Variants in SPTAN1 observed in about 807,000 individuals in gnomAD.
SPTAN1 encodes the protein spectrin alpha, non-erythrocytic 1.
Under a neutral mutation model 331.3 loss-of-function variants are expected in SPTAN1, and 61 were observed. The ratio of observed to expected loss-of-function variants is 0.18; its 90% CI spans 0.15 to 0.23. The LOEUF (loss-of-function observed/expected upper bound fraction) is 0.23. Among genes scored for constraint, SPTAN1 ranks in the 10% least tolerant of loss-of-function variants. The pLI, the probability that SPTAN1 is intolerant of heterozygous loss-of-function variation, is 1.00. For synonymous variants in SPTAN1, 1,153 were observed against 1,173.9 expected (o/e 0.98, Z 0.36); for missense variants, 2,043 against 3,147.9 (o/e 0.65, Z 8.40).
At chr9:128,593,109 G>T in intron 23 of SPTAN1, 67 bp downstream of exon 23, 1 of 1,515,584 alleles carries the variant, frequency 6.6e-7, no homozygotes, top group Non-Finnish European at 9.0e-7. Context: ...TCCCTCTGCC[G>T]CTTCTCTTGA....
rs1292604106 is a variant in SPTAN1 at position 128,633,197 on chromosome 9, C to T, written c.7309-12C>T. Reference sequence around the variant, plus strand: ...CTGGCTCAGGCACCAGGTGCCATCTCTTACCCCACAGAACCTGACCCGGGA... The same window carrying T: ...CTGGCTCAGGCACCAGGTGCCATCTTTTACCCCACAGAACCTGACCCGGGA... On this transcript the variant is annotated splice_polypyrimidine_tract_variant and intron_variant, in intron 56 of 56. Coordinates refer to ENST00000372739, the MANE Select transcript of SPTAN1 (RefSeq NM_001130438.3). The T allele has an allele frequency of 2.5e-6, 4 of 1,613,872 alleles. No homozygotes were observed.
rs765146912 is a variant in SPTAN1, at chr9:128,632,995, A to C, written c.7308+40A>C. 7 of 1,606,670 alleles carry C rather than the reference A, an allele frequency of 4.4e-6. No individual in the cohort carries two copies. The South Asian group carries it at 5.5e-5, about 13-fold the overall frequency. ...AGGTGGGTGAAGAGGTGTCCTTTGG[A>C]AAACTAAAGCCAAATTTGTGGCAGA... On this transcript the variant is annotated intron_variant, in intron 56 of 56. Transcript: ENST00000372739.
rs993507509 is a variant in SPTAN1 at position 128,610,297 on chromosome 9, A to G, written c.4773+632A>G. On this transcript the variant is annotated intron_variant, in intron 37 of 56. Coordinates refer to ENST00000372739, the MANE Select transcript of SPTAN1 (RefSeq NM_001130438.3). ...ACTTAAGCGGGTGGAAGAAATGAAG[A>G]TAGAGAAGAGAGTAAATGGGATTTG... 2.6e-5 allele frequency among the ~76,000 whole-genome samples: 4 copies of G among 152,240 alleles called. 1 individual carries two copies. The highest frequency in any genetic ancestry group is 1.3e-4 in the Admixed American group (2 of 15,282).
chr9:128,568,211 G>GAATGA (rs1226236100), intron 2 of SPTAN1, among the ~76,000 whole-genome samples: 1 of 152,186 alleles, frequency 6.6e-6, no homozygotes, highest in Non-Finnish European at 1.5e-5. Context: ...CCTAAGAAGA[G>GAATGA]AATGAAGAAC....
At chr9:128,570,324 ATATATATTTTT>A (rs1255026654) in intron 3 of SPTAN1, among the ~76,000 whole-genome samples, 239 of 32,132 alleles carry the variant, frequency 7.4e-3, no homozygotes, top group Middle Eastern at 0.017. Context: ...ATATATATAT[ATATATATTTTT>A]TTTTTTTTTT....
intron 40 of SPTAN1, among the ~76,000 whole-genome samples, chr9:128,614,108 C>T (rs912393305): frequency 4.0e-5 from 6 of 151,804 alleles, no homozygotes; most frequent in African/African-American, 7.3e-5. Flanking sequence ...TATTTTGATT[C>T]GGGTAAGTGT....
chr9:128,612,362 C>G lies in SPTAN1; in HGVS notation c.5043+116C>G. 6 of 1,313,304 alleles carry G rather than the reference C, an allele frequency of 4.6e-6. No homozygotes were observed. In the East Asian group the frequency reaches 1.2e-4, roughly 25 times the overall value. The allele number at this position is 1,313,304 out of a possible 1,614,324, so 81.4% of individuals were successfully genotyped here. ...AGGGCTCACCAGACACCCCTTTTGA[C>G]AGAAACCCTTATTATATATGAGTTG... is the stretch of plus-strand genomic sequence containing the variant. On this transcript the variant is annotated intron_variant, in intron 39 of 56. Coordinates refer to ENST00000372739, the MANE Select transcript of SPTAN1 (RefSeq NM_001130438.3).
chr9:128,557,133 A>G (rs183734316), intron 1 of SPTAN1, among the ~76,000 whole-genome samples: 9 of 152,222 alleles, frequency 5.9e-5, no homozygotes, highest in Admixed American at 5.2e-4. Flanking sequence ...ATTTTTCCAT[A>G]ACCAAATGAC....
rs780658978 is a variant in SPTAN1 at position 128,617,659 on chromosome 9, G to A, written c.5377G>A (p.Gly1793Ser). 18 of 1,614,060 alleles carry A rather than the reference G, an allele frequency of 1.1e-5. No individual in the cohort carries two copies. Among genetic ancestry groups the A allele is most frequent in the East Asian group, 4.5e-5 (2 of 44,896 alleles). The change falls in exon 42 of 57, where the codon GGC becomes AGC. Residue 1793 changes from glycine (G) to serine (S), a missense_variant. Around this residue, in one of 12 missense-constraint regions of SPTAN1, gnomAD observed 323 missense variants for 581.1 expected, o/e 0.56. Coordinates refer to ENST00000372739, the MANE Select transcript of SPTAN1 (RefSeq NM_001130438.3). ...ATTCAGGGAGAAGAAGCTGCTGGTG[G>A]GCTCAGAGGACTACGGCCGGGACCT... Reference protein sequence around the residue: ...SWIKEKKLLVGSEDYGRDLTG... With the variant: ...SWIKEKKLLVSSEDYGRDLTG...
rs746532292 is a variant in SPTAN1 at position 128,633,216 on chromosome 9, C to A, written c.7316C>A (p.Thr2439Asn). 2.5e-6 allele frequency: 4 copies of A among 1,614,008 alleles called. No individual in the cohort carries two copies. Among genetic ancestry groups the A allele is most frequent in the Non-Finnish European group, 3.4e-6 (4 of 1,180,024 alleles). ...CCATCTCTTACCCCACAGAACCTGA[C>A]CCGGGAACAAGCCGACTACTGCGTC... is the stretch of plus-strand genomic sequence containing the variant. ...VTKEELYQNL[T>N]REQADYCVSH... Residue 2439 changes from threonine to asparagine, a missense_variant, in exon 57 of 57, where the codon ACC becomes AAC. Transcript: ENST00000372739.
chr9:128,588,761 C>T (rs752982738), intron 20 of SPTAN1, 48 bp from the exon 21 acceptor site: 2 of 1,611,004 alleles, frequency 1.2e-6, no homozygotes, highest in South Asian at 2.2e-5. Flanking sequence ...TTAGATGACT[C>T]AGCGCGGACG....
chr9:128,583,306 G>A, intron 15 of SPTAN1, 25 bp downstream of exon 15: 1 of 1,610,114 alleles, frequency 6.2e-7, no homozygotes, highest in Non-Finnish European at 8.5e-7. Flanking sequence ...ATTGAATTGT[G>A]ACATGCATGT....
chr9:128,600,056 C>T (rs758109367), intron 26 of SPTAN1, 24 bp from the exon 27 acceptor site: 1 of 1,614,172 alleles, frequency 6.2e-7, no homozygotes, highest in South Asian at 1.1e-5. Flanking sequence ...GCTTGGCTGC[C>T]TAAATTCCTC....
chr9:128,584,956 C>T (rs1372674131), intron 18 of SPTAN1, 113 bp downstream of exon 18: 14 of 1,266,276 alleles, frequency 1.1e-5, no homozygotes, highest in Non-Finnish European at 1.5e-5. Flanking sequence ...TGAATACCAT[C>T]CCCATTCTTT....
In SPTAN1 at chr9:128,632,341, G is replaced by A; in HGVS notation, c.6959+18G>A. The A allele has an allele frequency of 6.2e-7, 1 of 1,613,604 alleles. No homozygotes were observed. Among genetic ancestry groups the A allele is most frequent in the Non-Finnish European group, 8.5e-7 (1 of 1,179,904 alleles). ...CAGGCCAGGTACCCGGGAGGGCTGTGGGCCAGGCTCAGCCCAGAGCAGGGG... is the reference window on the plus strand; with the variant it reads ...CAGGCCAGGTACCCGGGAGGGCTGTAGGCCAGGCTCAGCCCAGAGCAGGGG... On this transcript the variant is annotated intron_variant, in intron 53 of 56. Coordinates refer to ENST00000372739, the MANE Select transcript of SPTAN1 (RefSeq NM_001130438.3).
At chr9:128,596,804 C>T (rs1854362244) in intron 24 of SPTAN1, among the ~76,000 whole-genome samples, 1 of 152,184 alleles carries the variant, frequency 6.6e-6, no homozygotes, top group African/African-American at 2.4e-5. Context: ...GATCCTCCCA[C>T]CTCAGCCACC....
chr9:128,627,256 C>A lies in SPTAN1; in HGVS notation c.6577-130C>A. 1 of 794,238 alleles carries A rather than the reference C, an allele frequency of 1.3e-6. No individual in the cohort carries two copies. The highest frequency in any genetic ancestry group is 2.1e-6 in the Non-Finnish European group (1 of 477,758). 49.2% of individuals were successfully genotyped at this position (794,238 alleles called of 1,614,324 possible). A position where few individuals can be genotyped will look rare whatever the true frequency, so the allele number is the denominator to read the frequency against. The stretch of plus-strand genomic sequence containing the variant: ...TGCTCTGAGCCGGCCTCATGTCTCC[C>A]AGCCTCCTCCTCTCATCTTTGGGGA... On this transcript the variant is annotated intron_variant, in intron 49 of 56. Coordinates refer to ENST00000372739, the MANE Select transcript of SPTAN1 (RefSeq NM_001130438.3). This position sits in a 1 kb window ranked among gnomAD's most constrained non-coding sequence, Gnocchi z 4.9.
At chr9:128,575,378 C>T (rs747172506) in intron 5 of SPTAN1, 33 bp downstream of exon 5, 2 of 1,605,020 alleles carry the variant, frequency 1.2e-6, no homozygotes, top group Non-Finnish European at 8.5e-7. Context: ...CTTCTCACAA[C>T]ATTATTATGT....
intron 21 of SPTAN1, among the ~76,000 whole-genome samples, chr9:128,590,873 A>G (rs905144066): frequency 2.4e-4 from 37 of 152,058 alleles, no homozygotes; most frequent in African/African-American, 8.4e-4. Flanking sequence ...TTCTAACTCA[A>G]TGAAAGTTAA....
Sources: allele counts gnomAD v4.1 joint callset (sites outside exome capture counted in the v4.1 genomes callset), GRCh38; gene constraint gnomAD v4.1.1; regional missense constraint gnomAD v4.1.1; non-coding constraint Gnocchi (gnomAD v3.1); transcripts MANE v1.5; gene names NCBI Gene and HGNC (gene_info 2026-07-23, HGNC 2026-07-21).